CUL5: variants seen among roughly 807,000 people sequenced by gnomAD.
CUL5 encodes the protein cullin-5.
In CUL5, 26 loss-of-function variants were observed where a neutral mutation model predicts 108.8. The observed-to-expected ratio is 0.24, with a 90% confidence interval of 0.18 to 0.33. CUL5 has a LOEUF of 0.33. CUL5 is among the 10% of genes least tolerant of loss of function. The pLI is 1.00. For synonymous variants in CUL5, 334 were observed against 298.0 expected (o/e 1.12, Z -1.25); for missense variants, 524 against 909.2 (o/e 0.58, Z 5.45).
intron 2 of CUL5, among the ~76,000 whole-genome samples, chr11:108,043,212 G>A (rs779849925): frequency 1.3e-4 from 20 of 152,208 alleles, no homozygotes; most frequent in Non-Finnish European, 2.5e-4. Flanking sequence ...TAGGACTACA[G>A]GCATGTGCCA....
chr11:108,009,050 C>G lies in CUL5; in HGVS notation c.-299C>G. ...GAGGCTCGTGGAGTCGATGCTTCCT[C>G]TTCCAAGTCAGGTCGGCTCCCGTTA... On this transcript the variant is annotated 5_prime_UTR_variant, in exon 1 of 19. Transcript: ENST00000393094. 6.2e-6 allele frequency: 3 copies of G among 484,322 alleles called. No individual in the cohort carries two copies. The highest frequency in any genetic ancestry group is 1.1e-5 in the Non-Finnish European group (3 of 271,014). The allele number at this position is 484,322 out of a possible 1,614,324, so 30.0% of individuals were successfully genotyped here. A position where few individuals can be genotyped will look rare whatever the true frequency, so the allele number is the denominator to read the frequency against.
At position 108,106,490 on chromosome 11, in the gene CUL5, T is replaced by C. The variant is rs939805144; in HGVS notation, c.*2106T>C. On this transcript the variant is annotated 3_prime_UTR_variant, in exon 19 of 19. Coordinates refer to ENST00000393094, the MANE Select transcript of CUL5 (RefSeq NM_003478.6). Reference sequence around the variant, plus strand: ...TTTTAATAGCCAATTATGTCCTAATTGTATTTTGGGGAATGAACAGCAGCA... The same window carrying C: ...TTTTAATAGCCAATTATGTCCTAATCGTATTTTGGGGAATGAACAGCAGCA... 2 of 152,176 alleles carry C rather than the reference T, an allele frequency of 1.3e-5. No homozygotes were observed. The highest frequency in any genetic ancestry group is 1.9e-4 in the East Asian group (1 of 5,188). 9.4% of individuals were successfully genotyped at this position (152,176 alleles called of 1,614,324 possible).
intron 1 of CUL5, among the ~76,000 whole-genome samples, chr11:108,020,297 A>G (rs1269439857): frequency 6.6e-6 from 1 of 152,180 alleles, no homozygotes. Context: ...CGTTGTTACC[A>G]TAGGAGATGA....
chr11:108,025,152 A>T (rs939436349), intron 1 of CUL5, among the ~76,000 whole-genome samples: 2 of 152,328 alleles, frequency 1.3e-5, no homozygotes, highest in Middle Eastern at 3.4e-3. Flanking sequence ...ATACTCATTT[A>T]AAAAATATTT....
At chr11:108,053,678 C>CA (rs1253868618) in intron 5 of CUL5, among the ~76,000 whole-genome samples, 1 of 129,342 alleles carries the variant, frequency 7.7e-6, no homozygotes, top group African/African-American at 2.9e-5. Context: ...GTATACCATG[C>CA]TTTTTTTTTT....
intron 7 of CUL5, among the ~76,000 whole-genome samples, chr11:108,063,703 A>G (rs1211105257): frequency 1.3e-5 from 2 of 151,968 alleles, no homozygotes; most frequent in East Asian, 2.0e-4. Flanking sequence ...AAGTGCATCT[A>G]TCTCTTCCTT....
intron 13 of CUL5, among the ~76,000 whole-genome samples, chr11:108,092,639 T>C (rs1864388015): frequency 1.3e-5 from 2 of 152,066 alleles, no homozygotes; most frequent in South Asian, 4.2e-4. Flanking sequence ...GTGTCCAGAA[T>C]AGGCAAATCC....
chr11:108,035,975 A>G (rs1862732806), intron 2 of CUL5, among the ~76,000 whole-genome samples: 2 of 152,240 alleles, frequency 1.3e-5, no homozygotes, highest in South Asian at 4.2e-4. Context: ...TCGCAGCCAT[A>G]TTTCAAGTCC....
At position 108,097,622 on chromosome 11, in the gene CUL5, C is replaced by T. The variant is rs1258389225; in HGVS notation, c.1906-14C>T. The T allele has an allele frequency of 6.1e-6, 9 of 1,471,276 alleles. No homozygotes were observed. Among genetic ancestry groups the T allele is most frequent in the Non-Finnish European group, 8.6e-6 (9 of 1,051,684 alleles). 91.1% of individuals were successfully genotyped at this position (1,471,276 alleles called of 1,614,324 possible). ...GTTTATAGATGCTAATTGTTTTCTC[C>T]TTATTCTTCATAGTCTTTAGTAGCT... is the stretch of plus-strand genomic sequence containing the variant. On this transcript the variant is annotated splice_polypyrimidine_tract_variant and intron_variant, in intron 16 of 18. Transcript: ENST00000393094.
intron 11 of CUL5, among the ~76,000 whole-genome samples, chr11:108,082,968 C>T (rs1223120113): frequency 6.6e-6 from 1 of 152,188 alleles, no homozygotes; most frequent in Non-Finnish European, 1.5e-5. Context: ...TTGCAGCTTT[C>T]CTCAGTTTAT....
chr11:108,077,850 A>G (rs531555776), intron 10 of CUL5, among the ~76,000 whole-genome samples: 36 of 151,720 alleles, frequency 2.4e-4, no homozygotes, highest in Admixed American at 4.6e-4. Context: ...GAGGCCAGCT[A>G]AGACAGGAGA....
At chr11:108,090,595 A>G (rs1319725137) in intron 13 of CUL5, among the ~76,000 whole-genome samples, 1 of 152,230 alleles carries the variant, frequency 6.6e-6, no homozygotes, top group Non-Finnish European at 1.5e-5. Flanking sequence ...AATGATAACA[A>G]TAAATACTTC....
rs1334057314 is a variant in CUL5, at chr11:108,096,337, A to AC, written c.1905+646_1905+647insC. On this transcript the variant is annotated intron_variant, in intron 16 of 18. Coordinates refer to ENST00000393094, the MANE Select transcript of CUL5 (RefSeq NM_003478.6). ...AGTGCAATCCCATCTCTAAAAAAAA[A>AC]AAAAAAAAACAAATTAGCCAGCTTG... 6.6e-5 allele frequency among the ~76,000 whole-genome samples: 10 copies of AC among 150,930 alleles called. No homozygotes were observed. The South Asian group carries it at 1.9e-3, about 29-fold the overall frequency.
At chr11:108,072,571 G>C (rs1159130709) in intron 9 of CUL5, 109 bp downstream of exon 9, 1 of 881,516 alleles carries the variant, frequency 1.1e-6, no homozygotes, top group African/African-American at 1.7e-5. Flanking sequence ...TGGGGGAGCA[G>C]AAGAGGTTGG....
chr11:108,028,471 C>T (rs1161956500), intron 1 of CUL5, among the ~76,000 whole-genome samples: 1 of 152,154 alleles, frequency 6.6e-6, no homozygotes, highest in Non-Finnish European at 1.5e-5. Flanking sequence ...AATCCTACAC[C>T]CAGTTTTAAC....
chr11:108,091,130 A>C (rs1294440471), intron 13 of CUL5, among the ~76,000 whole-genome samples: 1 of 151,652 alleles, frequency 6.6e-6, no homozygotes, highest in Non-Finnish European at 1.5e-5. Flanking sequence ...TGACTCACTG[A>C]AACCTCTGTC....
intron 9 of CUL5, 125 bp from the exon 10 acceptor site, chr11:108,073,265 G>A: frequency 1.8e-6 from 1 of 566,896 alleles, no homozygotes; most frequent in Non-Finnish European, 3.1e-6. Flanking sequence ...ACACCTTTTA[G>A]TTTTATTTTT....
At chr11:108,021,173 A>G (rs893217200) in intron 1 of CUL5, among the ~76,000 whole-genome samples, 5 of 152,218 alleles carry the variant, frequency 3.3e-5, no homozygotes, top group Admixed American at 2.0e-4. Flanking sequence ...TTTTCACACA[A>G]CGATGAAATT....
intron 1 of CUL5, among the ~76,000 whole-genome samples, chr11:108,032,881 G>C (rs1862629658): frequency 1.3e-5 from 2 of 151,668 alleles, no homozygotes; most frequent in Non-Finnish European, 2.9e-5. Context: ...AGTTTTCAGA[G>C]TTTACATAGA....
Sources: gnomAD v4.1 joint callset for allele counts (sites outside exome capture counted in the v4.1 genomes callset) on GRCh38, gnomAD v4.1.1 for gene constraint, MANE v1.5 for transcripts, NCBI Gene and HGNC (gene_info 2026-07-23, HGNC 2026-07-21) for gene names.